Variants in KCNIP3 observed in about 807,000 individuals in gnomAD.
KCNIP3 encodes the protein calsenilin.
KCNIP3 carries 28 observed loss-of-function variants against 35.0 expected under a neutral mutation model. The observed-to-expected ratio is 0.80, with a 90% CI of 0.59 to 1.10. KCNIP3 has a LOEUF of 1.10. Ranked by LOEUF, KCNIP3 falls within the 50% of genes least tolerant of loss-of-function variation. The probability of loss-of-function intolerance (pLI) is 0.00; values close to 1 mark genes in which losing one functional copy is unlikely to be tolerated. For synonymous variants in KCNIP3, 134 were observed against 133.8 expected, an observed-to-expected ratio of 1.00 and a Z score of -0.01; for missense variants, 295 against 338.4, an observed-to-expected ratio of 0.87 and a Z score of 1.01.
chr2:95,318,892 G>T (rs1339536868), intron 2 of KCNIP3, among the ~76,000 whole-genome samples: 4 of 151,988 alleles, frequency 2.6e-5, no homozygotes, highest in African/African-American at 9.7e-5. Context: ...CATGTGACAT[G>T]TACATCCCAG....
At chr2:95,369,639 A>AC (rs1194724908) in intron 2 of KCNIP3, among the ~76,000 whole-genome samples, 2 of 147,138 alleles carry the variant, frequency 1.4e-5, no homozygotes, top group Non-Finnish European at 3.0e-5. Flanking sequence ...TTTTCAATTT[A>AC]TTTTTTTTTG....
chr2:95,335,950 C>T (rs1679050027), intron 2 of KCNIP3, among the ~76,000 whole-genome samples: 1 of 152,128 alleles, frequency 6.6e-6, no homozygotes, highest in South Asian at 2.1e-4. Flanking sequence ...CATTTTGCTA[C>T]TTGTTTTCTA....
intron 1 of KCNIP3, among the ~76,000 whole-genome samples, chr2:95,297,894 G>C (rs1348518964): frequency 2.0e-5 from 3 of 152,158 alleles, no homozygotes; most frequent in East Asian, 1.9e-4. Context: ...GCCTGGGAGG[G>C]AGTCACTTGT....
Position 95,310,465 on chromosome 2 carries a change from G to A in KCNIP3, c.126G>A (p.Leu42=), listed in dbSNP as rs1678283986. 7 of 1,612,448 alleles carry A rather than the reference G, an allele frequency of 4.3e-6. No individual in the cohort carries two copies. The highest frequency in any genetic ancestry group is 5.9e-6 in the Non-Finnish European group (7 of 1,179,154). The part of the protein sequence containing the change: ...WQRPRLSRQA[L]MRCCLVKWIL... Reference sequence around the variant, plus strand: ...GGCCGAGGCTCAGCCGCCAGGCTTTGATGAGATGCTGCCTGGTCAAGTGGA... The same window carrying A: ...GGCCGAGGCTCAGCCGCCAGGCTTTAATGAGATGCTGCCTGGTCAAGTGGA... Residue 42 remains leucine (L), a synonymous_variant, in exon 2 of 9, where the codon TTG becomes TTA. Coordinates refer to ENST00000295225, the MANE Select transcript of KCNIP3 (RefSeq NM_013434.5).
rs769083576 is a variant in KCNIP3 at position 95,382,456 on chromosome 2, C to T, written c.635C>T (p.Ala212Val). Residue 212 changes from alanine to valine, a missense_variant, in exon 7 of 9, where the codon GCG becomes GTG. Coordinates refer to ENST00000295225, the MANE Select transcript of KCNIP3 (RefSeq NM_013434.5). This position sits in a 1 kb window ranked among gnomAD's most constrained non-coding sequence, Gnocchi z 4.5. The stretch of plus-strand genomic sequence containing the variant: ...CCCATCCTGCGGGAGGACGCGCCGG[C>T]GGAGCACGTGGAGAGGTTCTTCGAG... ...TYPILREDAP[A>V]EHVERFFEKM... 3.9e-5 allele frequency: 63 copies of T among 1,608,282 alleles called. No homozygotes were observed. The highest frequency in any genetic ancestry group is 6.8e-5 in the East Asian group (3 of 44,342).
intron 2 of KCNIP3, among the ~76,000 whole-genome samples, chr2:95,339,557 G>A (rs535737079): frequency 4.0e-4 from 60 of 151,870 alleles, no homozygotes; most frequent in South Asian, 8.3e-4. Context: ...GCACTCCTGC[G>A]TGGGTGGCAG....
chr2:95,364,866 C>T (rs1679882261), intron 2 of KCNIP3, among the ~76,000 whole-genome samples: 2 of 152,224 alleles, frequency 1.3e-5, no homozygotes, highest in South Asian at 4.2e-4. Context: ...TTGAGGATCA[C>T]TTGAGCCCAG....
At chr2:95,374,770 A>C in intron 3 of KCNIP3, 78 bp from the exon 4 acceptor site, 1 of 1,514,648 alleles carries the variant, frequency 6.6e-7, no homozygotes, top group Non-Finnish European at 9.1e-7. Context: ...GGGTGGAGAG[A>C]GGCCAGCCAG....
At chr2:95,352,586 C>T (rs1054128950) in intron 2 of KCNIP3, among the ~76,000 whole-genome samples, 14 of 152,140 alleles carry the variant, frequency 9.2e-5, no homozygotes, top group Non-Finnish European at 1.5e-5. Flanking sequence ...GCCCTCTCTC[C>T]CTCCCTACCT....
chr2:95,326,827 C>T (rs991357689), intron 2 of KCNIP3, among the ~76,000 whole-genome samples: 13 of 152,228 alleles, frequency 8.5e-5, no homozygotes, highest in African/African-American at 2.9e-4. Flanking sequence ...CATGGCTGAG[C>T]CCCTTGGCCC....
chr2:95,321,448 G>C (rs1358276495), intron 2 of KCNIP3, among the ~76,000 whole-genome samples: 1 of 152,222 alleles, frequency 6.6e-6, no homozygotes, highest in Non-Finnish European at 1.5e-5. Flanking sequence ...GTGGAAGAAG[G>C]GGGGTCAGGG....
chr2:95,305,927 C>T (rs1436773322), intron 1 of KCNIP3, among the ~76,000 whole-genome samples: 6 of 152,144 alleles, frequency 3.9e-5, no homozygotes, highest in African/African-American at 1.4e-4. Context: ...AGTATGGGGC[C>T]GTTCCAAGTA....
In KCNIP3 at chr2:95,383,241, C is replaced by G. The variant is rs777912638; in HGVS notation, c.670C>G (p.Arg224Gly). Residue 224 changes from arginine to glycine, a missense_variant, in exon 8 of 9, where the codon CGG becomes GGG. Transcript: ENST00000295225. ...ATGGCTTGGGTTGCAGAAAATGGAC[C>G]GGAACCAGGATGGGGTAGTGACCAT... ...HVERFFEKMD[R>G]NQDGVVTIEE... 1 of 1,613,784 alleles carries G rather than the reference C, an allele frequency of 6.2e-7. No homozygotes were observed. The highest frequency in any genetic ancestry group is 8.5e-7 in the Non-Finnish European group (1 of 1,179,868).
chr2:95,367,576 G>A (rs1199121322), intron 2 of KCNIP3, among the ~76,000 whole-genome samples: 1 of 151,996 alleles, frequency 6.6e-6, no homozygotes, highest in Non-Finnish European at 1.5e-5. Flanking sequence ...TTTGGCATAC[G>A]GATTATATAC....
At chr2:95,326,875 T>G (rs1462334440) in intron 2 of KCNIP3, among the ~76,000 whole-genome samples, 1 of 152,162 alleles carries the variant, frequency 6.6e-6, no homozygotes, top group East Asian at 1.9e-4. Context: ...CGCCCTGCCC[T>G]TCCTCGGCAG....
At chr2:95,301,152 GC>G (rs1170711839) in intron 1 of KCNIP3, among the ~76,000 whole-genome samples, 2 of 152,224 alleles carry the variant, frequency 1.3e-5, no homozygotes, top group Non-Finnish European at 2.9e-5. Flanking sequence ...CCCCACCTCT[GC>G]CCCACTGACT....
At chr2:95,308,995 G>A (rs931135258) in intron 1 of KCNIP3, among the ~76,000 whole-genome samples, 4 of 152,178 alleles carry the variant, frequency 2.6e-5, no homozygotes, top group Admixed American at 1.3e-4. Flanking sequence ...CCCCCTGAGT[G>A]GCCCTCTTTA....
At chr2:95,338,994 A>C (rs1442275795) in intron 2 of KCNIP3, among the ~76,000 whole-genome samples, 1 of 152,224 alleles carries the variant, frequency 6.6e-6, no homozygotes, top group African/African-American at 2.4e-5. Context: ...ACCCATCTGT[A>C]CAGGCCGATG....
intron 2 of KCNIP3, among the ~76,000 whole-genome samples, chr2:95,326,611 A>G (rs1199603486): frequency 6.6e-6 from 1 of 152,188 alleles, no homozygotes; most frequent in Non-Finnish European, 1.5e-5. Flanking sequence ...GGGAACGCCC[A>G]TGGTGGGGGT....
Sources: gnomAD v4.1 joint callset for allele counts (sites outside exome capture counted in the v4.1 genomes callset) on GRCh38, gnomAD v4.1.1 for gene constraint, Gnocchi (gnomAD v3.1) non-coding constraint, MANE v1.5 for transcripts, NCBI Gene and HGNC (gene_info 2026-07-23, HGNC 2026-07-21) for gene names.